The following CRYGN variants were observed in gnomAD, a reference collection of about 807,000 sequenced individuals.
The protein encoded by CRYGN is crystallin gamma N, also known as gamma-crystallin N.
A neutral mutation model predicts 19.2 loss-of-function variants in CRYGN; 17 were observed. The observed-to-expected ratio is 0.89, with a 90% confidence interval of 0.61 to 1.33. CRYGN has a LOEUF of 1.33. Ranked by LOEUF, CRYGN falls within the 40% of genes most tolerant of loss-of-function variation. The pLI, the probability that CRYGN is intolerant of heterozygous loss-of-function variation, is 0.00. For synonymous variants in CRYGN, 84 were observed against 85.8 expected (o/e 0.98, Z 0.12); for missense variants, 239 against 239.6 (o/e 1.00, Z 0.02).
At chr7:151,439,460 G>T (rs1385934666) in intron 1 of CRYGN, among the ~76,000 whole-genome samples, 3 of 152,156 alleles carry the variant, frequency 2.0e-5, no homozygotes, top group Non-Finnish European at 4.4e-5. Flanking sequence ...GGGCACCAAA[G>T]GGATTCGGGG....
At chr7:151,437,830 C>A (rs1380276992) in intron 2 of CRYGN, 166 bp downstream of exon 2, 18 of 1,489,810 alleles carry the variant, frequency 1.2e-5, no homozygotes, top group Non-Finnish European at 1.5e-5. Context: ...TGGCCCCCCA[C>A]CTACTCACCT....
chr7:151,432,340 G>T, intron 3 of CRYGN: 1 of 1,044,538 alleles, frequency 9.6e-7, no homozygotes, highest in African/African-American at 1.6e-5. Flanking sequence ...CCGGGACTCC[G>T]GAGAGAAAAG....
chr7:151,439,752 C>G lies in CRYGN; in HGVS notation c.21+145G>C. The G allele has an allele frequency of 4.6e-6, 4 of 874,766 alleles. No individual in the cohort carries two copies. The South Asian group carries it at 6.1e-5, about 13-fold the overall frequency. 54.2% of individuals were successfully genotyped at this position (874,766 alleles called of 1,614,324 possible). ...CACCAGAGAGGCCCCAGGCCAGTAGCGAGGCCACCCCATTTTATTAAGAAA... is the reference window on the plus strand; with the variant it reads ...CACCAGAGAGGCCCCAGGCCAGTAGGGAGGCCACCCCATTTTATTAAGAAA... On this transcript the variant is annotated intron_variant, in intron 1 of 3. Transcript: ENST00000337323.
rs564996007 is a variant in CRYGN at position 151,435,210 on chromosome 7, C to A, written c.416+970G>T. On this transcript the variant is annotated intron_variant, in intron 3 of 3. Transcript: ENST00000337323. This position sits in a 1 kb window ranked among gnomAD's most constrained non-coding sequence, Gnocchi z 4.2. ...TCAATTGCTTCGATAGGCGCCAGAACCATGCACAGCCAGCTGGAACCTGTG... is the reference window on the plus strand; with the variant it reads ...TCAATTGCTTCGATAGGCGCCAGAAACATGCACAGCCAGCTGGAACCTGTG... Among the ~76,000 whole-genome samples the A allele has an allele frequency of 2.0e-3, 305 of 152,312 alleles. 1 individual carries two copies. Among genetic ancestry groups the A allele is most frequent in the Non-Finnish European group, 3.0e-3 (205 of 68,034 alleles).
intron 3 of CRYGN, chr7:151,432,071 T>A (rs1801481700): frequency 6.4e-6 from 4 of 628,598 alleles, no homozygotes; most frequent in Non-Finnish European, 6.9e-6. Context: ...TCGCCCAAGG[T>A]CCCGAGGTCT....
chr7:151,437,738 G>T (rs561995034), intron 2 of CRYGN: 2 of 1,131,052 alleles, frequency 1.8e-6, no homozygotes, highest in Admixed American at 2.9e-5. Context: ...AATGCAGCTA[G>T]ATTTTTGGCT....
chr7:151,435,978 A>G lies in CRYGN; in HGVS notation c.416+202T>C, dbSNP rs1464696559. ...CCTCTCTGAGGCCCTTCTGGGCCAC[A>G]GGGGAAGCTCCCCGCTGCTTGACTG... On this transcript the variant is annotated intron_variant, in intron 3 of 3. Coordinates refer to ENST00000337323, the MANE Select transcript of CRYGN (RefSeq NM_144727.3). The surrounding 1 kb of genome is among the most constrained non-coding windows in gnomAD (Gnocchi z 4.2). Among the ~76,000 whole-genome samples the G allele has an allele frequency of 6.6e-6, 1 of 152,150 alleles. No individual in the cohort carries two copies. The highest frequency in any genetic ancestry group is 1.5e-5 in the Non-Finnish European group (1 of 68,002).
chr7:151,431,044 G>A lies in CRYGN; in HGVS notation c.417-864C>T, dbSNP rs530108745. Among the ~76,000 whole-genome samples, 69 of 152,270 alleles carry A rather than the reference G, an allele frequency of 4.5e-4. No homozygotes were observed. Among genetic ancestry groups the A allele is most frequent in the African/African-American group, 1.6e-3 (67 of 41,548 alleles). The stretch of plus-strand genomic sequence containing the variant: ...AGGAGCCCCCATGCTCAGGAATCTC[G>A]GGTCCAGGGCCCCTGTGTTCTCCTC... On this transcript the variant is annotated intron_variant, in intron 3 of 3. Transcript: ENST00000337323. This position sits in a 1 kb window ranked among gnomAD's most constrained non-coding sequence, Gnocchi z 4.8.
Position 151,429,843 on chromosome 7 carries a change from GGT to G in CRYGN, c.*203_*204del. On this transcript the variant is annotated 3_prime_UTR_variant, in exon 4 of 4. Coordinates refer to ENST00000337323, the MANE Select transcript of CRYGN (RefSeq NM_144727.3). ...GTGCCAAGGCCCAAGGAGGCTGTGG[GGT>G]GGAGGGTTGGACGGCTGTTTCAGAA... 3.4e-6 allele frequency: 2 copies of G among 594,180 alleles called. No individual in the cohort carries two copies. Among genetic ancestry groups the G allele is most frequent in the South Asian group, 4.0e-5 (2 of 50,440 alleles). The allele number at this position is 594,180 out of a possible 1,614,324, so 36.8% of individuals were successfully genotyped here.
rs1563082551 is a variant in CRYGN, at chr7:151,438,196, A to G, written c.70T>C (p.Phe24Leu). The G allele has an allele frequency of 6.2e-7, 1 of 1,614,086 alleles. No homozygotes were observed. Among genetic ancestry groups the G allele is most frequent in the African/African-American group, 1.3e-5 (1 of 75,054 alleles). Reference protein sequence around the residue: ...KHFTGQKLEVFGDCDNFQDRG... With the variant: ...KHFTGQKLEVLGDCDNFQDRG... ...TCCTGGAAGTTGTCACAGTCCCCGA[A>G]GACCTCCAGCTTCTGCCCTGTGAAG... The change falls in exon 2 of 4, where the codon TTC becomes CTC. Residue 24 changes from phenylalanine to leucine, a missense_variant. Coordinates refer to ENST00000337323, the MANE Select transcript of CRYGN (RefSeq NM_144727.3).
intron 3 of CRYGN, among the ~76,000 whole-genome samples, chr7:151,432,878 G>A (rs1372355720): frequency 1.3e-5 from 2 of 152,200 alleles, no homozygotes; most frequent in Non-Finnish European, 2.9e-5. Context: ...AGCACCTGGT[G>A]GGGGGCCTGG....
At chr7:151,439,243 T>G (rs895256004) in intron 1 of CRYGN, 1 of 152,252 alleles carries the variant, frequency 6.6e-6, no homozygotes, top group Admixed American at 6.5e-5. Context: ...CTGGGGCCCT[T>G]TGTTACTGAA....
Position 151,436,152 on chromosome 7 carries a change from G to C in CRYGN, c.416+28C>G. The C allele has an allele frequency of 2.9e-6, 4 of 1,395,744 alleles. No individual in the cohort carries two copies. Among genetic ancestry groups the C allele is most frequent in the Non-Finnish European group, 3.8e-6 (4 of 1,065,324 alleles). The allele number at this position is 1,395,744 out of a possible 1,614,324, so 86.5% of individuals were successfully genotyped here. A position where few individuals can be genotyped will look rare whatever the true frequency, so the allele number is the denominator to read the frequency against. On this transcript the variant is annotated intron_variant, in intron 3 of 3. Transcript: ENST00000337323. The surrounding 1 kb of genome is among the most constrained non-coding windows in gnomAD (Gnocchi z 5.1). ...GTGCTGAAGGGCCTAGCCGGGCCTC[G>C]GGGTGCGGCCACGTGGCCTGTACTC...
Position 151,435,418 on chromosome 7 carries a change from C to G in CRYGN, c.416+762G>C, listed in dbSNP as rs559160451. Among the ~76,000 whole-genome samples, 253 of 152,306 alleles carry G rather than the reference C, an allele frequency of 1.7e-3. 5 individuals are homozygous for G. The highest frequency in any genetic ancestry group is 1.9e-3 in the Non-Finnish European group (132 of 68,038). On this transcript the variant is annotated intron_variant, in intron 3 of 3. Transcript: ENST00000337323. This position sits in a 1 kb window ranked among gnomAD's most constrained non-coding sequence, Gnocchi z 4.2. ...ACGGGGGCGATAATATCTACCTGAC[C>G]TAGAGGTGTGGGCTGGACAATGAAA...
intron 2 of CRYGN, among the ~76,000 whole-genome samples, chr7:151,437,381 C>T (rs1801641411): frequency 6.6e-6 from 1 of 152,200 alleles, no homozygotes; most frequent in African/African-American, 2.4e-5. Flanking sequence ...GTACCCATGA[C>T]CTGGGGGAAC....
chr7:151,439,226 A>G (rs1227096698), intron 1 of CRYGN: 2 of 152,398 alleles, frequency 1.3e-5, no homozygotes, highest in East Asian at 3.9e-4. Context: ...TCTGCACCCC[A>G]GAGTTACTGG....
At chr7:151,437,002 C>T (rs1801628059) in intron 2 of CRYGN, 1 of 152,132 alleles carries the variant, frequency 6.6e-6, no homozygotes, top group Non-Finnish European at 1.5e-5. Context: ...CTTAGGAGAA[C>T]AGCAGTTCGC....
chr7:151,435,804 G>A lies in CRYGN; in HGVS notation c.416+376C>T, dbSNP rs1801588077. Among the ~76,000 whole-genome samples the A allele has an allele frequency of 6.6e-6, 1 of 152,112 alleles. No individual in the cohort carries two copies. The highest frequency in any genetic ancestry group is 2.4e-5 in the African/African-American group (1 of 41,414). ...GCCCTGGAGGACCCCTTGGTAAGCA[G>A]GTGTCCCCCGGTTCAAGAAAACCAA... On this transcript the variant is annotated intron_variant, in intron 3 of 3. Coordinates refer to ENST00000337323, the MANE Select transcript of CRYGN (RefSeq NM_144727.3). This position sits in a 1 kb window ranked among gnomAD's most constrained non-coding sequence, Gnocchi z 4.2.
chr7:151,431,202 G>C lies in CRYGN; in HGVS notation c.417-1022C>G, dbSNP rs948785635. 6.6e-6 allele frequency among the ~76,000 whole-genome samples: 1 copy of C among 152,192 alleles called. No individual in the cohort carries two copies. Among genetic ancestry groups the C allele is most frequent in the Non-Finnish European group, 1.5e-5 (1 of 68,012 alleles). On this transcript the variant is annotated intron_variant, in intron 3 of 3. Coordinates refer to ENST00000337323, the MANE Select transcript of CRYGN (RefSeq NM_144727.3). The surrounding 1 kb of genome is among the most constrained non-coding windows in gnomAD (Gnocchi z 4.8). ...TTACCTGGGCCACCCCCAGGGACCA[G>C]AGTTCCCCTCGTGGGACCTTTCCTC...
Sources: gnomAD v4.1 joint callset for allele counts (sites outside exome capture counted in the v4.1 genomes callset) on GRCh38, gnomAD v4.1.1 for gene constraint, Gnocchi (gnomAD v3.1) non-coding constraint, MANE v1.5 for transcripts, NCBI Gene and HGNC (gene_info 2026-07-23, HGNC 2026-07-21) for gene names.